The following LMX1B variants were observed in gnomAD, a reference collection of about 807,000 sequenced individuals.
LMX1B encodes the protein LIM homeobox transcription factor 1-beta.
LMX1B carries 12 observed loss-of-function variants against 51.4 expected under a neutral mutation model. The observed-to-expected ratio is 0.23, with a 90% CI of 0.15 to 0.38. LMX1B has a LOEUF of 0.38. Ranked by LOEUF, LMX1B falls within the 10% of genes least tolerant of loss-of-function variation. The pLI, the probability that LMX1B is intolerant of heterozygous loss-of-function variation, is 1.00. For synonymous variants in LMX1B, 237 were observed against 235.4 expected, an observed-to-expected ratio of 1.01 and a Z score of -0.06; for missense variants, 445 against 571.1, an observed-to-expected ratio of 0.78 and a Z score of 2.25.
intron 2 of LMX1B, among the ~76,000 whole-genome samples, chr9:126,619,305 C>T (rs548362006): frequency 2.6e-5 from 4 of 152,202 alleles, no homozygotes; most frequent in African/African-American, 9.7e-5. Context: ...CCATCCAGCT[C>T]CCGCGTTCGG....
chr9:126,700,883 T>G lies in LMX1B; in HGVS notation c.*4432T>G, dbSNP rs767012871. On this transcript the variant is annotated 3_prime_UTR_variant, in exon 8 of 8. Transcript: ENST00000373474. ...ATTTTATTTAATAACTTGTCATTGT[T>G]AAATTATTTATTAGCGTTTACCACA... The G allele has an allele frequency of 1.3e-5, 2 of 152,262 alleles. No homozygotes were observed. The highest frequency in any genetic ancestry group is 2.9e-5 in the Non-Finnish European group (2 of 68,048). The allele number at this position is 152,262 out of a possible 1,614,324, so 9.4% of individuals were successfully genotyped here. A position where few individuals can be genotyped will look rare whatever the true frequency, so the allele number is the denominator to read the frequency against.
chr9:126,665,578 C>T (rs575491071), intron 2 of LMX1B, among the ~76,000 whole-genome samples: 15 of 152,326 alleles, frequency 9.8e-5, no homozygotes, highest in East Asian at 5.8e-4. Context: ...AAAGCGCCTC[C>T]GGTGTTCCTT....
chr9:126,659,212 G>A (rs1836179643), intron 2 of LMX1B, among the ~76,000 whole-genome samples: 1 of 152,218 alleles, frequency 6.6e-6, no homozygotes, highest in African/African-American at 2.4e-5. Flanking sequence ...GGCAACTCAT[G>A]CCCCAAGCCT....
chr9:126,648,789 A>G (rs1276113772), intron 2 of LMX1B, among the ~76,000 whole-genome samples: 1 of 152,158 alleles, frequency 6.6e-6, no homozygotes, highest in Non-Finnish European at 1.5e-5. Context: ...AGAGGTTACC[A>G]GGACTGAGGG....
chr9:126,665,795 A>G (rs924126644), intron 2 of LMX1B, among the ~76,000 whole-genome samples: 1 of 152,172 alleles, frequency 6.6e-6, no homozygotes, highest in South Asian at 2.1e-4. Context: ...GGGCCAGCCC[A>G]TGCCAGCCCG....
intron 1 of LMX1B, among the ~76,000 whole-genome samples, 160 bp downstream of exon 1, chr9:126,614,748 C>T (rs1588257163): frequency 6.6e-6 from 1 of 152,134 alleles, no homozygotes. Flanking sequence ...CAGAGGGCCG[C>T]AAGTACGCCT....
chr9:126,659,083 A>C (rs1401097591), intron 2 of LMX1B, among the ~76,000 whole-genome samples: 1 of 152,156 alleles, frequency 6.6e-6, no homozygotes, highest in African/African-American at 2.4e-5. Context: ...GCTCAGACGC[A>C]CTCACAGGCA....
intron 2 of LMX1B, among the ~76,000 whole-genome samples, chr9:126,667,598 G>A (rs1185864944): frequency 2.6e-5 from 4 of 152,206 alleles, no homozygotes; most frequent in East Asian, 1.9e-4. Flanking sequence ...GGGAGGGGCC[G>A]GTGCTATAGA....
Position 126,615,344 on chromosome 9 carries a change from G to A in LMX1B, c.140-39G>A, listed in dbSNP as rs1835281965. The A allele has an allele frequency of 6.7e-7, 1 of 1,484,844 alleles. No individual in the cohort carries two copies. The highest frequency in any genetic ancestry group is 2.2e-5 in the Admixed American group (1 of 46,134). 92.0% of individuals were successfully genotyped at this position (1,484,844 alleles called of 1,614,324 possible). A position where few individuals can be genotyped will look rare whatever the true frequency, so the allele number is the denominator to read the frequency against. Reference sequence around the variant, plus strand: ...GACCGGGACGCCGGGGCTGGGCCGGGCGGCGCTGACGGCCGGGCTTTCGCC... The same window carrying A: ...GACCGGGACGCCGGGGCTGGGCCGGACGGCGCTGACGGCCGGGCTTTCGCC... On this transcript the variant is annotated intron_variant, in intron 1 of 7. Transcript: ENST00000373474. This position sits in a 1 kb window ranked among gnomAD's most constrained non-coding sequence, Gnocchi z 6.0.
At chr9:126,670,878 G>A (rs1836437424) in intron 2 of LMX1B, among the ~76,000 whole-genome samples, 1 of 152,210 alleles carries the variant, frequency 6.6e-6, no homozygotes, top group Non-Finnish European at 1.5e-5. Context: ...CCATCCACAA[G>A]GGTAAGTGAA....
intron 2 of LMX1B, among the ~76,000 whole-genome samples, chr9:126,639,226 C>T (rs973558550): frequency 6.6e-6 from 1 of 152,122 alleles, no homozygotes; most frequent in African/African-American, 2.4e-5. Context: ...GAGGGTGGGG[C>T]CCCCAGATGG....
Position 126,614,396 on chromosome 9 carries a change from G to GGGCCGGCGGGCGAGCAGCCC in LMX1B, c.-43_-24dup. 1 of 1,308,724 alleles carries GGGCCGGCGGGCGAGCAGCCC rather than the reference G, an allele frequency of 7.6e-7. No homozygotes were observed. The highest frequency in any genetic ancestry group is 3.9e-5 in the Admixed American group (1 of 25,498). The allele number at this position is 1,308,724 out of a possible 1,614,324, so 81.1% of individuals were successfully genotyped here. ...CCGCGGCGGCGGAGAGCGGGTGGAC[G>GGGCCGGCGGGCGAGCAGCCC]GGCCGGCGGGCGAGCAGCCCGGCCG... is the stretch of plus-strand genomic sequence containing the variant. On this transcript the variant is annotated 5_prime_UTR_variant, in exon 1 of 8. Transcript: ENST00000373474.
At chr9:126,623,576 A>G (rs578142840) in intron 2 of LMX1B, among the ~76,000 whole-genome samples, 91 of 152,214 alleles carry the variant, frequency 6.0e-4, no homozygotes, top group Non-Finnish European at 9.4e-4. Context: ...CCTGTAGCAG[A>G]TTTCCCCCCC....
At chr9:126,660,043 T>C (rs1008129531) in intron 2 of LMX1B, among the ~76,000 whole-genome samples, 2,738 of 75,576 alleles carry the variant, frequency 0.036, 17 homozygotes, top group Middle Eastern at 0.075. Context: ...CTACACTGGC[T>C]TCAGAGGTTG....
At position 126,618,479 on chromosome 9, in the gene LMX1B, C is replaced by G. The variant is rs1835344661; in HGVS notation, c.326+2910C>G. On this transcript the variant is annotated intron_variant, in intron 2 of 7. Coordinates refer to ENST00000373474, the MANE Select transcript of LMX1B (RefSeq NM_001174147.2). This position sits in a 1 kb window ranked among gnomAD's most constrained non-coding sequence, Gnocchi z 4.5. ...GCCGTGGAGTTTGGGCATTTTCACT[C>G]TTAACTCCAAAAGTCTCCTTTTTCC... 6.6e-6 allele frequency among the ~76,000 whole-genome samples: 1 copy of G among 152,140 alleles called. No individual in the cohort carries two copies. The highest frequency in any genetic ancestry group is 1.5e-5 in the Non-Finnish European group (1 of 68,028).
rs1281193928 is a variant in LMX1B at position 126,641,566 on chromosome 9, C to T, written c.326+25997C>T. ...TGGGCTGGGCTGGGTTAGGCGACCACCCCCACCCAGCTGGGTTCCTCCCTG... is the reference window on the plus strand; with the variant it reads ...TGGGCTGGGCTGGGTTAGGCGACCATCCCCACCCAGCTGGGTTCCTCCCTG... On this transcript the variant is annotated intron_variant, in intron 2 of 7. Transcript: ENST00000373474. The surrounding 1 kb of genome is among the most constrained non-coding windows in gnomAD (Gnocchi z 4.1). Among the ~76,000 whole-genome samples the T allele has an allele frequency of 6.6e-6, 1 of 152,152 alleles. No individual in the cohort carries two copies. The highest frequency in any genetic ancestry group is 1.5e-5 in the Non-Finnish European group (1 of 68,018).
intron 2 of LMX1B, among the ~76,000 whole-genome samples, chr9:126,644,888 C>A (rs1160265401): frequency 1.3e-5 from 2 of 152,186 alleles, no homozygotes; most frequent in Admixed American, 1.3e-4. Flanking sequence ...GCCCTTTCAG[C>A]AATTCTGTTG....
At chr9:126,651,475 G>T (rs1184897731) in intron 2 of LMX1B, among the ~76,000 whole-genome samples, 2 of 152,128 alleles carry the variant, frequency 1.3e-5, no homozygotes, top group African/African-American at 4.8e-5. Context: ...GCGGCCTCCT[G>T]TTGGGGGTCT....
chr9:126,629,408 A>G (rs1167239705), intron 2 of LMX1B, among the ~76,000 whole-genome samples: 1 of 152,174 alleles, frequency 6.6e-6, no homozygotes, highest in Non-Finnish European at 1.5e-5. Context: ...ACACTACGAC[A>G]TGGCTTCCAT....
Sources: gnomAD v4.1 joint callset for allele counts (sites outside exome capture counted in the v4.1 genomes callset) on GRCh38, gnomAD v4.1.1 for gene constraint, Gnocchi (gnomAD v3.1) non-coding constraint, MANE v1.5 for transcripts, NCBI Gene and HGNC (gene_info 2026-07-23, HGNC 2026-07-21) for gene names.